VWDE: variants seen among roughly 807,000 people sequenced by gnomAD.
VWDE encodes von Willebrand factor D and EGF domains.
A neutral mutation model predicts 178.4 loss-of-function variants in VWDE; 207 were observed. The ratio of observed to expected loss-of-function variants is 1.16; its 90% CI spans 1.04 to 1.30. The LOEUF (loss-of-function observed/expected upper bound fraction) is 1.30. Among genes scored for constraint, VWDE ranks in the 50% most tolerant of loss-of-function variants. VWDE has a pLI of 0.00. For synonymous variants in VWDE, 738 were observed against 651.4 expected (o/e 1.13, Z -2.02); for missense variants, 2,287 against 1,901.3 (o/e 1.20, Z -3.77).
intron 13 of VWDE, among the ~76,000 whole-genome samples, chr7:12,366,637 C>G (rs150966777): frequency 1.6e-4 from 25 of 152,174 alleles, no homozygotes; most frequent in South Asian, 2.1e-4. Flanking sequence ...CCTATTTCCT[C>G]CTGTAAATTC....
intron 12 of VWDE, among the ~76,000 whole-genome samples, chr7:12,368,561 A>G (rs1191434274): frequency 1.3e-5 from 2 of 152,134 alleles, no homozygotes; most frequent in African/African-American, 4.8e-5. Context: ...GTGAGCTGGG[A>G]GAAGAATGCT....
chr7:12,395,288 T>C (rs190938922), intron 1 of VWDE, among the ~76,000 whole-genome samples: 2 of 152,154 alleles, frequency 1.3e-5, no homozygotes, highest in Non-Finnish European at 2.9e-5. Context: ...AACAAGGACA[T>C]TGCACCTGGT....
At chr7:12,388,071 A>G (rs2128560560) in intron 3 of VWDE, among the ~76,000 whole-genome samples, 1 of 152,270 alleles carries the variant, frequency 6.6e-6, no homozygotes, top group Non-Finnish European at 1.5e-5. Flanking sequence ...CAATCAGGAT[A>G]TCCCATTGCA....
intron 19 of VWDE, among the ~76,000 whole-genome samples, chr7:12,345,173 T>G (rs959073774): frequency 1.3e-5 from 2 of 152,098 alleles, no homozygotes; most frequent in African/African-American, 4.8e-5. Context: ...TAATACTCTA[T>G]AATATTAACA....
At chr7:12,362,905 G>C (rs1367709569) in intron 13 of VWDE, among the ~76,000 whole-genome samples, 4 of 152,108 alleles carry the variant, frequency 2.6e-5, no homozygotes, top group Admixed American at 2.0e-4. Context: ...GTACAGTCTC[G>C]GTTTCTTGTG....
chr7:12,384,820 G>C (rs1784019568), intron 3 of VWDE, among the ~76,000 whole-genome samples: 1 of 152,030 alleles, frequency 6.6e-6, no homozygotes, highest in Admixed American at 6.6e-5. Flanking sequence ...CTAAACAAAG[G>C]TAGGCTCATC....
intron 16 of VWDE, 84 bp from the exon 17 acceptor site, chr7:12,357,599 A>C: frequency 1.4e-6 from 2 of 1,435,400 alleles, no homozygotes; most frequent in East Asian, 2.5e-5. Context: ...AGAGATATGC[A>C]TTTTGATAAA....
intron 9 of VWDE, among the ~76,000 whole-genome samples, chr7:12,373,689 C>T (rs181148863): frequency 3.5e-4 from 53 of 152,224 alleles, no homozygotes; most frequent in African/African-American, 1.1e-3. Context: ...TATCTCTCTT[C>T]CCCTTTGCAA....
chr7:12,365,536 C>A (rs886635147), intron 13 of VWDE, among the ~76,000 whole-genome samples: 2 of 151,972 alleles, frequency 1.3e-5, no homozygotes, highest in African/African-American at 2.4e-5. Context: ...GAAATTTGAA[C>A]TAAGAAGGTG....
At chr7:12,341,083 T>C (rs961562537) in intron 23 of VWDE, among the ~76,000 whole-genome samples, 10 of 152,228 alleles carry the variant, frequency 6.6e-5, no homozygotes, top group Admixed American at 6.5e-4. Context: ...TAAGGAACTG[T>C]GTTTCAATAA....
chr7:12,393,551 C>A, intron 2 of VWDE, 43 bp downstream of exon 2: 3 of 1,414,080 alleles, frequency 2.1e-6, no homozygotes, highest in South Asian at 1.6e-5. Flanking sequence ...ATATGAAAAA[C>A]ACATAAGGAA....
chr7:12,387,525 A>G (rs1012030837), intron 3 of VWDE, among the ~76,000 whole-genome samples: 3 of 152,116 alleles, frequency 2.0e-5, no homozygotes, highest in Admixed American at 2.0e-4. Context: ...TGGGTATTTT[A>G]TATATATGTG....
At chr7:12,363,822 G>C (rs1403747308) in intron 13 of VWDE, among the ~76,000 whole-genome samples, 11 of 151,890 alleles carry the variant, frequency 7.2e-5, no homozygotes, top group Non-Finnish European at 1.6e-4. Context: ...ACCAGAGTGT[G>C]GAAGAAACTC....
intron 26 of VWDE, 106 bp from the exon 27 acceptor site, chr7:12,336,342 T>A: frequency 1.1e-6 from 1 of 895,880 alleles, no homozygotes; most frequent in Non-Finnish European, 1.7e-6. Flanking sequence ...TAGTTACAAG[T>A]AAGTGATTAA....
At chr7:12,402,502 A>C (rs1231294453) in intron 1 of VWDE, among the ~76,000 whole-genome samples, 1 of 152,224 alleles carries the variant, frequency 6.6e-6, no homozygotes, top group African/African-American at 2.4e-5. Flanking sequence ...AGAGATTACA[A>C]AGCTATTATA....
At chr7:12,334,711 A>C (rs1393565796) in intron 27 of VWDE, among the ~76,000 whole-genome samples, 1 of 152,236 alleles carries the variant, frequency 6.6e-6, no homozygotes, top group East Asian at 1.9e-4. Context: ...ATGCAGAAAC[A>C]GGGTGCACAG....
At chr7:12,357,204 C>T in intron 17 of VWDE, 61 bp downstream of exon 17, 5 of 1,510,942 alleles carry the variant, frequency 3.3e-6, no homozygotes, top group Admixed American at 2.1e-5. Context: ...ATTTTAAATT[C>T]AAATAAAGTT....
In VWDE at chr7:12,386,536, G is replaced by C. The variant is rs937536625; in HGVS notation, c.475+2591C>G. On this transcript the variant is annotated intron_variant, in intron 3 of 28. Transcript: ENST00000275358. ...TGTTATGTTCTCCCTCACTCATTGA[G>C]ATCTAATATTTCTGTCTGGCTTTCA... Among the ~76,000 whole-genome samples, 3 of 152,292 alleles carry C rather than the reference G, an allele frequency of 2.0e-5. No individual in the cohort carries two copies. In the South Asian group the frequency reaches 6.2e-4, roughly 32 times the overall value.
rs151334237 is a variant in VWDE, at chr7:12,372,962, A to G, written c.1587+15T>C. 38,809 of 1,543,430 alleles carry G rather than the reference A, an allele frequency of 0.025. 515 individuals are homozygous for G. The highest frequency in any genetic ancestry group is 0.028 in the Non-Finnish European group (31,990 of 1,143,866). Reference sequence around the variant, plus strand: ...AAAAGGAAAAATACTTTCAATGTTAAAGAATCATACATACTGTGACTTTTC... The same window carrying G: ...AAAAGGAAAAATACTTTCAATGTTAGAGAATCATACATACTGTGACTTTTC... On this transcript the variant is annotated intron_variant, in intron 10 of 28. Coordinates refer to ENST00000275358, the MANE Select transcript of VWDE (RefSeq NM_001135924.3).
Sources: gnomAD v4.1 joint callset for allele counts (sites outside exome capture counted in the v4.1 genomes callset) on GRCh38, gnomAD v4.1.1 for gene constraint, MANE v1.5 for transcripts, NCBI Gene and HGNC (gene_info 2026-07-23, HGNC 2026-07-21) for gene names.